THSD7A: variants seen among roughly 807,000 people sequenced by gnomAD.
THSD7A encodes thrombospondin type-1 domain-containing protein 7A.
Under a neutral mutation model 231.3 loss-of-function variants are expected in THSD7A, and 96 were observed. The observed-to-expected ratio is 0.41, with a 90% CI of 0.35 to 0.49. The LOEUF is 0.49. THSD7A is among the 20% of genes least tolerant of loss of function. THSD7A has a pLI of 0.05. For synonymous variants in THSD7A, 940 were observed against 743.3 expected (o/e 1.26, Z -4.30); for missense variants, 2,290 against 2,070.2 (o/e 1.11, Z -2.06).
chr7:11,776,100 C>T (rs1783396911), intron 1 of THSD7A, among the ~76,000 whole-genome samples: 1 of 152,050 alleles, frequency 6.6e-6, no homozygotes, highest in East Asian at 1.9e-4. Flanking sequence ...TTTCTGAAGC[C>T]CTGATTGGCC....
intron 2 of THSD7A, among the ~76,000 whole-genome samples, chr7:11,594,360 G>A (rs1281466124): frequency 6.6e-6 from 1 of 152,122 alleles, no homozygotes; most frequent in Non-Finnish European, 1.5e-5. Flanking sequence ...ACCAGGAGTG[G>A]TTCTACAGGA....
chr7:11,677,451 T>G (rs1019797990), intron 1 of THSD7A, among the ~76,000 whole-genome samples: 1 of 148,626 alleles, frequency 6.7e-6, no homozygotes, highest in African/African-American at 2.5e-5. Context: ...CTAAATGGAC[T>G]AAATGACAGG....
At chr7:11,802,121 G>T (rs943405373) in intron 1 of THSD7A, among the ~76,000 whole-genome samples, 6 of 152,120 alleles carry the variant, frequency 3.9e-5, no homozygotes, top group African/African-American at 1.2e-4. Flanking sequence ...TTTAGAGTAT[G>T]AGAAATTTTC....
At chr7:11,708,664 C>G (rs896563117) in intron 1 of THSD7A, among the ~76,000 whole-genome samples, 2 of 150,764 alleles carry the variant, frequency 1.3e-5, no homozygotes, top group Admixed American at 6.6e-5. Flanking sequence ...TCCACTCACT[C>G]TAGCTCAAGG....
At chr7:11,582,453 T>A (rs1791207241) in intron 4 of THSD7A, among the ~76,000 whole-genome samples, 1 of 152,162 alleles carries the variant, frequency 6.6e-6, no homozygotes. Flanking sequence ...ATCAACTAAA[T>A]GCACATTATA....
intron 22 of THSD7A, among the ~76,000 whole-genome samples, chr7:11,403,271 T>A (rs1160092375): frequency 1.3e-5 from 2 of 152,192 alleles, no homozygotes; most frequent in African/African-American, 2.4e-5. Context: ...GAAAAACTTC[T>A]TGTGTCATGC....
intron 1 of THSD7A, among the ~76,000 whole-genome samples, chr7:11,684,687 C>A (rs1388234393): frequency 6.6e-6 from 1 of 151,896 alleles, no homozygotes; most frequent in Non-Finnish European, 1.5e-5. Context: ...GGTGAAAGAT[C>A]TCTACAAGGG....
At chr7:11,647,415 CT>C (rs759177298) in intron 1 of THSD7A, among the ~76,000 whole-genome samples, 7 of 151,990 alleles carry the variant, frequency 4.6e-5, no homozygotes, top group Non-Finnish European at 1.0e-4. Flanking sequence ...TGCTTACTGG[CT>C]TGGCTCATCC....
At chr7:11,572,944 T>A (rs1282254010) in intron 4 of THSD7A, among the ~76,000 whole-genome samples, 1 of 152,214 alleles carries the variant, frequency 6.6e-6, no homozygotes, top group Non-Finnish European at 1.5e-5. Context: ...GTAGAGAACC[T>A]CGATTATGTC....
chr7:11,700,637 T>C (rs1046093992), intron 1 of THSD7A, among the ~76,000 whole-genome samples: 7 of 151,218 alleles, frequency 4.6e-5, no homozygotes, highest in Non-Finnish European at 8.9e-5. Flanking sequence ...CTTCTGAAAG[T>C]AGATGAAGAA....
Position 11,636,296 on chromosome 7 carries a change from C to T in THSD7A, c.856G>A (p.Asp286Asn). ...RRGKNKEREK[D>N]RSKGVKDPEA... is the part of the protein sequence containing the mutation. ...GGATCCTTTACTCCTTTGCTGCGGT[C>T]CTTTTCCCGTTCTTTATTCTTCCCG... Residue 286 changes from aspartate to asparagine, a missense_variant, in exon 2 of 28, where the codon GAC becomes AAC. Transcript: ENST00000423059. This position sits in a 1 kb window ranked among gnomAD's most constrained non-coding sequence, Gnocchi z 10.0. The T allele has an allele frequency of 6.2e-7, 1 of 1,613,980 alleles. No individual in the cohort carries two copies. The highest frequency in any genetic ancestry group is 8.5e-7 in the Non-Finnish European group (1 of 1,179,894).
At chr7:11,376,016 C>G in intron 27 of THSD7A, 138 bp from the exon 28 acceptor site, 1 of 693,274 alleles carries the variant, frequency 1.4e-6, no homozygotes, top group East Asian at 2.7e-5. Context: ...GTCTATCTAC[C>G]TTAGAATTTG....
In THSD7A at chr7:11,515,531, T is replaced by C. The variant is rs569595262; in HGVS notation, c.1822+25888A>G. Among the ~76,000 whole-genome samples the C allele has an allele frequency of 4.6e-5, 7 of 152,260 alleles. No homozygotes were observed. In the South Asian group the frequency reaches 1.4e-3, roughly 32 times the overall value. On this transcript the variant is annotated intron_variant, in intron 6 of 27. Coordinates refer to ENST00000423059, the MANE Select transcript of THSD7A (RefSeq NM_015204.3). ...TTAATTATGATCTATTTATATAATA[T>C]AAAAATTTAACTCATCATCTACTGA...
intron 5 of THSD7A, 117 bp downstream of exon 5, chr7:11,542,845 T>A: frequency 8.7e-7 from 1 of 1,145,834 alleles, no homozygotes; most frequent in Non-Finnish European, 1.2e-6. Context: ...AAATTAATAG[T>A]CTTTAGCCAT....
intron 1 of THSD7A, among the ~76,000 whole-genome samples, chr7:11,812,182 C>T (rs1270197129): frequency 6.6e-6 from 1 of 150,850 alleles, no homozygotes; most frequent in African/African-American, 2.4e-5. Flanking sequence ...AGAGAGAGTG[C>T]CCCTGTCAGG....
chr7:11,380,378 A>G (rs1432890102), intron 24 of THSD7A, among the ~76,000 whole-genome samples: 1 of 152,172 alleles, frequency 6.6e-6, no homozygotes. Flanking sequence ...GATGTCATAA[A>G]AAACATTGGT....
Position 11,481,823 on chromosome 7 carries a change from C to T in THSD7A, c.1982G>A (p.Arg661Gln), listed in dbSNP as rs1786437165. 1.2e-6 allele frequency: 2 copies of T among 1,613,506 alleles called. No homozygotes were observed. The highest frequency in any genetic ancestry group is 1.7e-5 in the Admixed American group (1 of 60,000). The change falls in exon 7 of 28, where the codon CGA becomes CAA. Residue 661 changes from arginine (R) to glutamine (Q), a missense_variant. Physicochemically the swap from Arg to Gln is conservative, Grantham distance 43 (BLOSUM62 1). Coordinates refer to ENST00000423059, the MANE Select transcript of THSD7A (RefSeq NM_015204.3). ...SGKTTEGKQI[R>Q]ARSILAYAGE... ...CGCATAGGCCAGAATGGATCGTGCT[C>T]GTATCTGTTTCCCTTCTGTCGTTTT...
intron 6 of THSD7A, among the ~76,000 whole-genome samples, chr7:11,499,566 G>A (rs1787247422): frequency 6.6e-6 from 1 of 152,158 alleles, no homozygotes; most frequent in African/African-American, 2.4e-5. Context: ...CAAGGAAAAT[G>A]AGAATCACAG....
chr7:11,487,813 C>T (rs568505599), intron 6 of THSD7A, among the ~76,000 whole-genome samples: 35 of 152,252 alleles, frequency 2.3e-4, no homozygotes, highest in South Asian at 8.3e-4. Flanking sequence ...ATTATCTCCA[C>T]CTGGCCCCAC....
Sources: allele counts gnomAD v4.1 joint callset (sites outside exome capture counted in the v4.1 genomes callset), GRCh38; gene constraint gnomAD v4.1.1; non-coding constraint Gnocchi (gnomAD v3.1); transcripts MANE v1.5; gene names NCBI Gene and HGNC (gene_info 2026-07-23, HGNC 2026-07-21).